The following ERP44 variants were observed in gnomAD, a reference collection of about 807,000 sequenced individuals.
ERP44 encodes the protein endoplasmic reticulum resident protein 44.
ERP44 carries 25 observed loss-of-function variants against 53.4 expected under a neutral mutation model. That is an observed-to-expected ratio of 0.47 (90% CI 0.34 to 0.65). The LOEUF is 0.65. Among genes scored for constraint, ERP44 ranks in the 30% least tolerant of loss-of-function variants. The pLI is 0.01. For missense variants in ERP44, 338 were observed against 493.2 expected (o/e 0.69, Z 2.98); for synonymous variants, 145 against 161.2 (o/e 0.90, Z 0.76).
chr9:100,059,351 T>C (rs1356207974), intron 2 of ERP44, among the ~76,000 whole-genome samples: 1 of 152,196 alleles, frequency 6.6e-6, no homozygotes, highest in African/African-American at 2.4e-5. Context: ...TCAAGTTAAT[T>C]ATATCCACAA....
At chr9:100,038,307 A>G (rs1825864607) in intron 4 of ERP44, among the ~76,000 whole-genome samples, 1 of 152,166 alleles carries the variant, frequency 6.6e-6, no homozygotes, top group South Asian at 2.1e-4. Context: ...TTTCAAGACA[A>G]AAAGTACACA....
At chr9:100,018,615 C>T (rs1437013091) in intron 6 of ERP44, among the ~76,000 whole-genome samples, 1 of 151,488 alleles carries the variant, frequency 6.6e-6, no homozygotes, top group African/African-American at 2.4e-5. Context: ...GTCACATGGA[C>T]TAATTAAAAA....
At chr9:100,017,164 A>T (rs998966149) in intron 7 of ERP44, among the ~76,000 whole-genome samples, 33 of 152,248 alleles carry the variant, frequency 2.2e-4, no homozygotes, top group African/African-American at 6.8e-4. Context: ...AAATGATGAT[A>T]AAAATAATAG....
At chr9:100,049,227 T>C (rs1826009776) in intron 4 of ERP44, among the ~76,000 whole-genome samples, 1 of 151,956 alleles carries the variant, frequency 6.6e-6, no homozygotes, top group African/African-American at 2.4e-5. Flanking sequence ...CTGGGCAACA[T>C]AAGGAGACCT....
At chr9:100,018,182 C>T (rs1830543960) in intron 7 of ERP44, 74 bp downstream of exon 7, 1 of 919,434 alleles carries the variant, frequency 1.1e-6, no homozygotes, top group African/African-American at 1.6e-5. Flanking sequence ...TGAACATTAA[C>T]ACATATAAAA....
At chr9:99,986,123 G>C (rs1481955154) in intron 10 of ERP44, among the ~76,000 whole-genome samples, 1 of 152,110 alleles carries the variant, frequency 6.6e-6, no homozygotes, top group Non-Finnish European at 1.5e-5. Flanking sequence ...ATATTTCCTT[G>C]AGTTATATAC....
rs747181199 is a variant in ERP44 at position 99,982,586 on chromosome 9, A to C, written c.*26T>G. On this transcript the variant is annotated 3_prime_UTR_variant, in exon 12 of 12. Coordinates refer to ENST00000262455, the MANE Select transcript of ERP44 (RefSeq NM_015051.3). ...CACGTAGGTTGATGCTGCTGTTGAA[A>C]GGCTTACAAACTGTTTTTCAAGTTT... 1.0e-4 allele frequency: 127 copies of C among 1,255,070 alleles called. 1 individual carries two copies. The highest frequency in any genetic ancestry group is 1.4e-4 in the Non-Finnish European group (125 of 909,888). 77.7% of individuals were successfully genotyped at this position (1,255,070 alleles called of 1,614,324 possible). A position where few individuals can be genotyped will look rare whatever the true frequency, so the allele number is the denominator to read the frequency against.
intron 4 of ERP44, among the ~76,000 whole-genome samples, chr9:100,045,546 A>G (rs1280015509): frequency 6.6e-6 from 1 of 152,188 alleles, no homozygotes; most frequent in Non-Finnish European, 1.5e-5. Flanking sequence ...AACATGTCTA[A>G]AATCAAGTAA....
At chr9:100,068,633 C>G (rs554093496) in intron 1 of ERP44, among the ~76,000 whole-genome samples, 1 of 143,686 alleles carries the variant, frequency 7.0e-6, no homozygotes, top group Non-Finnish European at 1.5e-5. Flanking sequence ...GTCAGCCCCC[C>G]ACCCGGCCAG....
intron 1 of ERP44, among the ~76,000 whole-genome samples, chr9:100,069,894 C>T (rs146467638): frequency 9.0e-4 from 137 of 152,218 alleles, no homozygotes; most frequent in African/African-American, 3.2e-3. Flanking sequence ...ATCTGTGTTT[C>T]GTTCTTCAGC....
At chr9:100,034,070 G>A (rs989468133) in intron 4 of ERP44, among the ~76,000 whole-genome samples, 9 of 152,128 alleles carry the variant, frequency 5.9e-5, no homozygotes, top group Non-Finnish European at 1.2e-4. Flanking sequence ...ATAGGGGTTG[G>A]GTAAAATAAG....
chr9:100,067,770 C>A (rs1826236221), intron 1 of ERP44, among the ~76,000 whole-genome samples: 1 of 152,020 alleles, frequency 6.6e-6, no homozygotes. Context: ...GGCCGCCATC[C>A]CATCTGGGAA....
At chr9:99,998,562 G>C in intron 10 of ERP44, 2 of 729,370 alleles carry the variant, frequency 2.7e-6, no homozygotes, top group Non-Finnish European at 5.1e-6. Flanking sequence ...AGCCAGTCAG[G>C]CTCGTGGTGA....
Position 99,982,545 on chromosome 9 carries a change from G to A in ERP44, c.*67C>T. 1 of 700,554 alleles carries A rather than the reference G, an allele frequency of 1.4e-6. No homozygotes were observed. Among genetic ancestry groups the A allele is most frequent in the Non-Finnish European group, 2.2e-6 (1 of 456,490 alleles). The allele number at this position is 700,554 out of a possible 1,614,324, so 43.4% of individuals were successfully genotyped here. A position where few individuals can be genotyped will look rare whatever the true frequency, so the allele number is the denominator to read the frequency against. On this transcript the variant is annotated 3_prime_UTR_variant, in exon 12 of 12. Transcript: ENST00000262455. ...ATACACATAGAATTATGAAAATATAGGTTTACTATTTCCACCACGTAGGTT... is the reference window on the plus strand; with the variant it reads ...ATACACATAGAATTATGAAAATATAAGTTTACTATTTCCACCACGTAGGTT...
intron 9 of ERP44, 136 bp downstream of exon 9, chr9:100,007,442 C>T: frequency 1.7e-6 from 1 of 602,716 alleles, no homozygotes. Context: ...CTTACCATCA[C>T]ATTTGAATGT....
chr9:100,074,627 C>T (rs921726973), intron 1 of ERP44, among the ~76,000 whole-genome samples: 2 of 152,154 alleles, frequency 1.3e-5, no homozygotes, highest in Non-Finnish European at 2.9e-5. Flanking sequence ...ACACTACCAA[C>T]AATTTATGCA....
At chr9:100,038,118 A>G (rs1465122416) in intron 4 of ERP44, among the ~76,000 whole-genome samples, 1 of 152,222 alleles carries the variant, frequency 6.6e-6, no homozygotes, top group African/African-American at 2.4e-5. Context: ...ACGTGAGTAT[A>G]TTAATGAGAA....
intron 1 of ERP44, among the ~76,000 whole-genome samples, chr9:100,085,329 A>G (rs1252402242): frequency 1.3e-5 from 2 of 152,224 alleles, no homozygotes; most frequent in South Asian, 4.1e-4. Context: ...AATATCCATC[A>G]TAATCAATCT....
rs1825785352 is a variant in ERP44 at position 100,031,309 on chromosome 9, G to A, written c.287-9083C>T. Among the ~76,000 whole-genome samples the A allele has an allele frequency of 4.6e-5, 7 of 152,156 alleles. No individual in the cohort carries two copies. The South Asian group carries it at 1.4e-3, about 32-fold the overall frequency. On this transcript the variant is annotated intron_variant, in intron 4 of 11. Coordinates refer to ENST00000262455, the MANE Select transcript of ERP44 (RefSeq NM_015051.3). ...TGCCATCCAGGGAACAGGAGTTTTGGGGTCCATGTCATAGTTTGCTCAAAA... is the reference window on the plus strand; with the variant it reads ...TGCCATCCAGGGAACAGGAGTTTTGAGGTCCATGTCATAGTTTGCTCAAAA...
Sources: allele counts gnomAD v4.1 joint callset (sites outside exome capture counted in the v4.1 genomes callset), GRCh38; gene constraint gnomAD v4.1.1; transcripts MANE v1.5; gene names NCBI Gene and HGNC (gene_info 2026-07-23, HGNC 2026-07-21).